CASK: variants seen among roughly 807,000 people sequenced by gnomAD.
CASK encodes peripheral plasma membrane protein CASK.
A neutral mutation model predicts 82.9 loss-of-function variants in CASK; 4 were observed. The observed-to-expected ratio is 0.05, with a 90% CI of 0.02 to 0.11. The LOEUF is 0.11. CASK is among the 10% of genes least tolerant of loss of function. The pLI is 1.00. For missense variants in CASK, 358 were observed against 720.9 expected (o/e 0.50, Z 5.76); for synonymous variants, 259 against 253.5 (o/e 1.02, Z -0.20).
chrX:41,889,800 T>C (rs961034515), intron 1 of CASK, among the ~76,000 whole-genome samples: 1 of 111,291 alleles, frequency 9.0e-6, no homozygotes, highest in African/African-American at 3.3e-5. Flanking sequence ...ATTTCACTAA[T>C]TGACCTAATG....
intron 1 of CASK, among the ~76,000 whole-genome samples, chrX:41,882,779 A>T (rs757525415): frequency 2.7e-5 from 3 of 111,094 alleles, no homozygotes; most frequent in African/African-American, 9.8e-5. Context: ...CACACTGTCC[A>T]TTTTTTCTTG....
intron 21 of CASK, among the ~76,000 whole-genome samples, chrX:41,545,261 G>A (rs778753990): frequency 5.4e-5 from 6 of 111,926 alleles, no homozygotes; most frequent in African/African-American, 1.9e-4. Flanking sequence ...CTCCTGCTTC[G>A]TGTGATCCAC....
chrX:41,794,382 T>C (rs1202421726), intron 2 of CASK, among the ~76,000 whole-genome samples: 1 of 112,223 alleles, frequency 8.9e-6, no homozygotes, highest in Non-Finnish European at 1.9e-5. Flanking sequence ...TTCTGATAAG[T>C]GTAACAAATT....
At chrX:41,727,582 C>T in intron 5 of CASK, 1 of 1,204,595 alleles carries the variant, frequency 8.3e-7, no homozygotes, top group Non-Finnish European at 1.1e-6. Context: ...AGAAGAGAGC[C>T]TATGCTACAA....
At chrX:41,763,781 C>T (rs2069053698) in intron 3 of CASK, among the ~76,000 whole-genome samples, 1 of 112,238 alleles carries the variant, frequency 8.9e-6, no homozygotes, top group African/African-American at 3.2e-5. Flanking sequence ...TCAGTATCAC[C>T]TCCTCTATGA....
intron 3 of CASK, among the ~76,000 whole-genome samples, chrX:41,757,603 C>T (rs189054637): frequency 8.9e-6 from 1 of 112,521 alleles, no homozygotes; most frequent in African/African-American, 3.2e-5. Flanking sequence ...AATCATAGCT[C>T]ACTGTAACCT....
At chrX:41,715,083 C>T (rs1162432571) in intron 5 of CASK, among the ~76,000 whole-genome samples, 1 of 112,251 alleles carries the variant, frequency 8.9e-6, no homozygotes, top group Non-Finnish European at 1.9e-5. Context: ...TGGAAGGATG[C>T]CACTCTTGAT....
At chrX:41,916,163 C>T (rs1454471483) in intron 1 of CASK, among the ~76,000 whole-genome samples, 2 of 111,915 alleles carry the variant, frequency 1.8e-5, no homozygotes, top group East Asian at 2.8e-4. Flanking sequence ...GGAGACAGAG[C>T]GAGACTCCAT....
chrX:41,724,990 C>T (rs752481946), intron 5 of CASK, among the ~76,000 whole-genome samples: 30 of 111,884 alleles, frequency 2.7e-4, no homozygotes, highest in African/African-American at 9.4e-4. Flanking sequence ...ATTTCACTGT[C>T]TGACTGATTT....
intron 3 of CASK, among the ~76,000 whole-genome samples, chrX:41,769,222 G>A (rs1328037174): frequency 1.8e-4 from 17 of 95,675 alleles, no homozygotes; most frequent in Non-Finnish European, 3.1e-4. Flanking sequence ...TTGAGACAGA[G>A]TCTCACTCTG....
intron 22 of CASK, among the ~76,000 whole-genome samples, chrX:41,542,239 C>G (rs1011906203): frequency 3.6e-5 from 4 of 112,410 alleles, no homozygotes; most frequent in African/African-American, 1.3e-4. Flanking sequence ...ACCACAGAAC[C>G]ATTTGTGGCA....
chrX:41,652,710 T>TG (rs1185375306), intron 8 of CASK, among the ~76,000 whole-genome samples: 1 of 112,094 alleles, frequency 8.9e-6, no homozygotes, highest in Non-Finnish European at 1.9e-5. Flanking sequence ...GCTGCACACA[T>TG]GGAGGTTCCT....
chrX:41,626,835 T>A, intron 9 of CASK, 132 bp from the exon 10 acceptor site: 1 of 482,971 alleles, frequency 2.1e-6, no homozygotes, highest in Non-Finnish European at 3.6e-6. Flanking sequence ...AGAAGAGAGG[T>A]AGTTTTTAAA....
chrX:41,810,652 G>A (rs765363268), intron 2 of CASK, among the ~76,000 whole-genome samples: 32 of 111,574 alleles, frequency 2.9e-4, no homozygotes, highest in African/African-American at 9.4e-4. Flanking sequence ...AAAGACCATC[G>A]ATGCTAGGAA....
intron 11 of CASK, among the ~76,000 whole-genome samples, chrX:41,616,576 T>C (rs1395238229): frequency 7.2e-5 from 8 of 110,981 alleles, no homozygotes; most frequent in African/African-American, 2.6e-4. Context: ...ACTTGAACAA[T>C]GCCCTATTGG....
At chrX:41,641,695 C>T (rs896407348) in intron 8 of CASK, among the ~76,000 whole-genome samples, 2 of 110,123 alleles carry the variant, frequency 1.8e-5, no homozygotes, top group South Asian at 7.7e-4. Flanking sequence ...GAAATAATTC[C>T]TATCTTTTTT....
rs1242283915 is a variant in CASK at position 41,519,586 on chromosome X, A to G, written c.*834T>C. On this transcript the variant is annotated 3_prime_UTR_variant, in exon 27 of 27. Coordinates refer to ENST00000378163, the MANE Select transcript of CASK (RefSeq NM_001367721.1). The stretch of plus-strand genomic sequence containing the variant: ...AAAATCAGTTTCTTTTTTTTTATAA[A>G]GTTGCCCAAAATGCAAGGGATGTGC... 3.6e-5 allele frequency: 4 copies of G among 111,217 alleles called. No individual in the cohort carries two copies. Among genetic ancestry groups the G allele is most frequent in the Non-Finnish European group, 7.5e-5 (4 of 53,047 alleles). 9.2% of individuals were successfully genotyped at this position (111,217 alleles called of 1,213,427 possible).
intron 5 of CASK, among the ~76,000 whole-genome samples, chrX:41,735,587 C>T (rs1219630690): frequency 9.3e-6 from 1 of 107,848 alleles, no homozygotes; most frequent in Non-Finnish European, 1.9e-5. Flanking sequence ...TTTTTTACTA[C>T]CTCCACTGCT....
At chrX:41,770,450 C>T (rs1025640777) in intron 3 of CASK, among the ~76,000 whole-genome samples, 4 of 110,412 alleles carry the variant, frequency 3.6e-5, no homozygotes, top group Admixed American at 2.0e-4. Flanking sequence ...GCTCTTGTTG[C>T]CCAGGCTGAT....
Sources: gnomAD v4.1 joint callset for allele counts (sites outside exome capture counted in the v4.1 genomes callset) on GRCh38, gnomAD v4.1.1 for gene constraint, MANE v1.5 for transcripts, NCBI Gene and HGNC (gene_info 2026-07-23, HGNC 2026-07-21) for gene names.